ZMAT5: variants seen among roughly 807,000 people sequenced by gnomAD.
ZMAT5 encodes zinc finger matrin-type protein 5.
ZMAT5 carries 23 observed loss-of-function variants against 28.0 expected under a neutral mutation model. The observed-to-expected ratio is 0.82, with a 90% confidence interval of 0.59 to 1.16. The LOEUF (loss-of-function observed/expected upper bound fraction) is 1.16, where lower values mean the gene tolerates loss of function less well. Among genes scored for constraint, ZMAT5 ranks in the 50% most tolerant of loss-of-function variants. The pLI, the probability that ZMAT5 is intolerant of heterozygous loss-of-function variation, is 0.00. For missense variants in ZMAT5, 173 were observed against 212.7 expected, an observed-to-expected ratio of 0.81 and a Z score of 1.16; for synonymous variants, 76 against 84.1, an observed-to-expected ratio of 0.90 and a Z score of 0.52.
chr22:29,731,184 G>A lies in ZMAT5; in HGVS notation c.*41C>T, dbSNP rs776559783. 4.1e-6 allele frequency: 6 copies of A among 1,458,742 alleles called. No homozygotes were observed. Among genetic ancestry groups the A allele is most frequent in the Non-Finnish European group, 5.4e-6 (6 of 1,113,316 alleles). The allele number at this position is 1,458,742 out of a possible 1,614,324, so 90.4% of individuals were successfully genotyped here. A position where few individuals can be genotyped will look rare whatever the true frequency, so the allele number is the denominator to read the frequency against. On this transcript the variant is annotated 3_prime_UTR_variant, in exon 6 of 6. Transcript: ENST00000344318. ...GGCTTGGCTTCCTATTGTGACTGATGAGAAAAGTGACCACGTGGGGGTCAG... is the reference window on the plus strand; with the variant it reads ...GGCTTGGCTTCCTATTGTGACTGATAAGAAAAGTGACCACGTGGGGGTCAG...
At chr22:29,749,329 C>A (rs960057290) in intron 1 of ZMAT5, among the ~76,000 whole-genome samples, 1 of 151,592 alleles carries the variant, frequency 6.6e-6, no homozygotes, top group African/African-American at 2.4e-5. Flanking sequence ...CGCCTTGGCC[C>A]CCCAAAGTGC....
At chr22:29,733,795 C>T (rs1213570319) in intron 5 of ZMAT5, among the ~76,000 whole-genome samples, 1 of 152,184 alleles carries the variant, frequency 6.6e-6, no homozygotes, top group Non-Finnish European at 1.5e-5. Context: ...CTCCTGGGTC[C>T]AAGTCTCAGC....
intron 5 of ZMAT5, among the ~76,000 whole-genome samples, chr22:29,734,281 C>A (rs1373845207): frequency 6.6e-6 from 1 of 152,156 alleles, no homozygotes; most frequent in African/African-American, 2.4e-5. Context: ...TCATGGACCC[C>A]CACTTCCCCA....
rs368125815 is a variant in ZMAT5 at position 29,741,787 on chromosome 22, C to T, written c.190+631G>A. ...GCCTCAACCTCCCTAGTAGCTGGGA[C>T]TACCAGTGTGTGCTACCATGCCCAG... On this transcript the variant is annotated intron_variant, in intron 3 of 5. Coordinates refer to ENST00000344318, the MANE Select transcript of ZMAT5 (RefSeq NM_001003692.2). 3.0e-3 allele frequency among the ~76,000 whole-genome samples: 449 copies of T among 152,186 alleles called. 2 individuals carry two copies. Among genetic ancestry groups the T allele is most frequent in the African/African-American group, 0.01 (429 of 41,528 alleles).
intron 5 of ZMAT5, 57 bp downstream of exon 5, chr22:29,738,273 C>T (rs922355617): frequency 7.4e-6 from 11 of 1,489,080 alleles, no homozygotes; most frequent in East Asian, 2.3e-5. Context: ...AAGGGGAAGG[C>T]GGGCTGGGGT....
At chr22:29,741,295 G>T (rs2067960597) in intron 3 of ZMAT5, among the ~76,000 whole-genome samples, 1 of 152,206 alleles carries the variant, frequency 6.6e-6, no homozygotes, top group Non-Finnish European at 1.5e-5. Flanking sequence ...GGCTGGAGGT[G>T]TCTCAAGCCA....
At chr22:29,752,774 C>G (rs2068066016) in intron 1 of ZMAT5, among the ~76,000 whole-genome samples, 1 of 152,238 alleles carries the variant, frequency 6.6e-6, no homozygotes, top group African/African-American at 2.4e-5. Flanking sequence ...AACTCCTGAG[C>G]TCAAGTGATC....
At chr22:29,756,386 G>A (rs1306513274) in intron 1 of ZMAT5, among the ~76,000 whole-genome samples, 2 of 152,128 alleles carry the variant, frequency 1.3e-5, no homozygotes, top group Admixed American at 1.3e-4. Context: ...TTTCCTGACC[G>A]AACCCCCGTA....
chr22:29,736,578 G>C (rs2067906412), intron 5 of ZMAT5, among the ~76,000 whole-genome samples: 1 of 151,750 alleles, frequency 6.6e-6, no homozygotes, highest in Non-Finnish European at 1.5e-5. Context: ...AAATTAGCCG[G>C]GCATGGTGGT....
At chr22:29,739,091 G>A (rs1051267242) in intron 4 of ZMAT5, among the ~76,000 whole-genome samples, 2 of 152,044 alleles carry the variant, frequency 1.3e-5, no homozygotes, top group African/African-American at 4.8e-5. Context: ...GAGGGCAGTC[G>A]AATGGGGTCA....
At chr22:29,761,456 C>T (rs188205156) in intron 1 of ZMAT5, among the ~76,000 whole-genome samples, 3 of 151,290 alleles carry the variant, frequency 2.0e-5, no homozygotes, top group South Asian at 2.1e-4. Context: ...GGTGCGGGCT[C>T]GGGCCTGTGG....
intron 1 of ZMAT5, among the ~76,000 whole-genome samples, chr22:29,749,251 C>A (rs2068036431): frequency 6.6e-6 from 1 of 152,012 alleles, no homozygotes; most frequent in Non-Finnish European, 1.5e-5. Flanking sequence ...CTTAAAAAAA[C>A]AATTTTTTTG....
chr22:29,748,507 G>T lies in ZMAT5; in HGVS notation c.38C>A (p.Ser13Tyr). 1 of 1,614,250 alleles carries T rather than the reference G, an allele frequency of 6.2e-7. No individual in the cohort carries two copies. Among genetic ancestry groups the T allele is most frequent in the South Asian group, 1.1e-5 (1 of 91,088 alleles). Residue 13 changes from serine (S) to tyrosine (Y), a missense_variant, in exon 2 of 6, where the codon TCC (serine) becomes TAC (tyrosine). Physicochemically the swap from Ser to Tyr is moderately radical, Grantham distance 144. Transcript: ENST00000344318. ...GCGGTTGTGGAGGTTGTCCTGGAAG[G>T]AGCGGTCGCAGTAGTCACAGAAGTA... ...KRYFCDYCDR[S>Y]FQDNLHNRKK...
chr22:29,761,134 G>A (rs1417825770), intron 1 of ZMAT5, among the ~76,000 whole-genome samples: 5 of 151,754 alleles, frequency 3.3e-5, no homozygotes, highest in Non-Finnish European at 7.4e-5. Context: ...TTAGCTGGGC[G>A]TGGTGGTGCG....
chr22:29,742,057 A>T (rs1354888689), intron 3 of ZMAT5, among the ~76,000 whole-genome samples: 1 of 152,118 alleles, frequency 6.6e-6, no homozygotes, highest in Non-Finnish European at 1.5e-5. Context: ...CAGATCATCA[A>T]CCCTGTTACT....
chr22:29,762,028 A>T, intron 1 of ZMAT5, among the ~76,000 whole-genome samples: 1 of 152,376 alleles, frequency 6.6e-6, no homozygotes, highest in South Asian at 2.1e-4. Flanking sequence ...ATTTATAAGA[A>T]CTTGAAATTC....
intron 1 of ZMAT5, among the ~76,000 whole-genome samples, chr22:29,751,313 C>A (rs1487423060): frequency 2.0e-5 from 3 of 152,138 alleles, no homozygotes; most frequent in Non-Finnish European, 4.4e-5. Context: ...TGTCTCTAGG[C>A]CTCTACGTTC....
intron 1 of ZMAT5, among the ~76,000 whole-genome samples, chr22:29,763,369 C>T (rs193063632): frequency 1.3e-5 from 2 of 150,966 alleles, no homozygotes; most frequent in African/African-American, 4.9e-5. Context: ...TTTGGGAGGC[C>T]GAGGTGGGTG....
At chr22:29,755,338 A>AGAGAGAGGGAGGGAGG (rs1464976208) in intron 1 of ZMAT5, among the ~76,000 whole-genome samples, 1 of 39,266 alleles carries the variant, frequency 2.5e-5, no homozygotes, top group Non-Finnish European at 5.1e-5. Context: ...AGAGAGAGAG[A>AGAGAGAGGGAGGGAGG]GAGGGAGGGA....
Sources: allele counts gnomAD v4.1 joint callset (sites outside exome capture counted in the v4.1 genomes callset), GRCh38; gene constraint gnomAD v4.1.1; transcripts MANE v1.5; gene names NCBI Gene and HGNC (gene_info 2026-07-23, HGNC 2026-07-21).